CELSR1: variants seen among roughly 807,000 people sequenced by gnomAD.
CELSR1 encodes cadherin EGF LAG seven-pass G-type receptor 1, also known as adhesion G protein-coupled receptor C1.
CELSR1 carries 110 observed loss-of-function variants against 249.1 expected under a neutral mutation model. That is an observed-to-expected ratio of 0.44 (90% CI 0.38 to 0.52). The LOEUF (loss-of-function observed/expected upper bound fraction) is 0.52, where lower values mean the gene tolerates loss of function less well. Ranked by LOEUF, CELSR1 falls within the 20% of genes least tolerant of loss-of-function variation. The probability of loss-of-function intolerance (pLI) is 0.00; values close to 1 mark genes in which losing one functional copy is unlikely to be tolerated. For synonymous variants in CELSR1, 2,113 were observed against 1,900.0 expected (o/e 1.11, Z -2.92); for missense variants, 4,109 against 4,296.4 (o/e 0.96, Z 1.22).
chr22:46,537,314 G>A lies in CELSR1; in HGVS notation c.-144C>T. On this transcript the variant is annotated 5_prime_UTR_variant, in exon 1 of 35. Coordinates refer to ENST00000674500, the MANE Select transcript of CELSR1 (RefSeq NM_001378328.1). The surrounding 1 kb of genome is among the most constrained non-coding windows in gnomAD (Gnocchi z 5.8). Reference sequence around the variant, plus strand: ...CGCGTCCCGCCTCCCCGGGGGCCCTGGCGGGGACTGTGGGGACCACGCGCC... The same window carrying A: ...CGCGTCCCGCCTCCCCGGGGGCCCTAGCGGGGACTGTGGGGACCACGCGCC... 4.2e-6 allele frequency: 4 copies of A among 942,176 alleles called. No individual in the cohort carries two copies. The highest frequency in any genetic ancestry group is 3.8e-6 in the Non-Finnish European group (3 of 787,958). 58.4% of individuals were successfully genotyped at this position (942,176 alleles called of 1,614,324 possible).
In CELSR1 at chr22:46,518,746, C is replaced by A. The variant is rs2080654461; in HGVS notation, c.3544+14881G>T. Among the ~76,000 whole-genome samples, 1 of 152,134 alleles carries A rather than the reference C, an allele frequency of 6.6e-6. No homozygotes were observed. The highest frequency in any genetic ancestry group is 1.5e-5 in the Non-Finnish European group (1 of 68,020). ...CTCTGTCTTCTCTCTTATAAAGACT[C>A]CAGTTGTGGCTGGGCGCGGTGGCTC... On this transcript the variant is annotated intron_variant, in intron 1 of 34. Coordinates refer to ENST00000674500, the MANE Select transcript of CELSR1 (RefSeq NM_001378328.1). This position sits in a 1 kb window ranked among gnomAD's most constrained non-coding sequence, Gnocchi z 5.2.
rs983192043 is a variant in CELSR1 at position 46,363,476 on chromosome 22, G to A, written c.9036-229C>T. 12 of 497,858 alleles carry A rather than the reference G, an allele frequency of 2.4e-5. No homozygotes were observed. Among genetic ancestry groups the A allele is most frequent in the Admixed American group, 9.7e-5 (3 of 30,790 alleles). The allele number at this position is 497,858 out of a possible 1,614,324, so 30.8% of individuals were successfully genotyped here. On this transcript the variant is annotated intron_variant, in intron 34 of 34. Coordinates refer to ENST00000674500, the MANE Select transcript of CELSR1 (RefSeq NM_001378328.1). This position sits in a 1 kb window ranked among gnomAD's most constrained non-coding sequence, Gnocchi z 4.3. ...TGTGTTGCTGGTCTTTCAGAAGAGC[G>A]CAAGGAATCCACGTTAGAAACCGGC... is the stretch of plus-strand genomic sequence containing the variant.
At chr22:46,414,621 A>T (rs1346507362) in intron 5 of CELSR1, among the ~76,000 whole-genome samples, 3 of 147,822 alleles carry the variant, frequency 2.0e-5, no homozygotes, top group Admixed American at 2.0e-4. Context: ...GTGTGGGTTT[A>T]ACGCGCAGGC....
Position 46,363,956 on chromosome 22 carries a change from G to T in CELSR1, c.9035+40C>A, listed in dbSNP as rs1255621421. The T allele has an allele frequency of 6.5e-7, 1 of 1,537,366 alleles. No individual in the cohort carries two copies. The highest frequency in any genetic ancestry group is 8.8e-7 in the Non-Finnish European group (1 of 1,142,636). Reference sequence around the variant, plus strand: ...CTCTCTCCTGACTCAGGACAAGGGGGAAGTGGGTGATCCCCGCCCTGGAGG... The same window carrying T: ...CTCTCTCCTGACTCAGGACAAGGGGTAAGTGGGTGATCCCCGCCCTGGAGG... On this transcript the variant is annotated intron_variant, in intron 34 of 34. Coordinates refer to ENST00000674500, the MANE Select transcript of CELSR1 (RefSeq NM_001378328.1). This position sits in a 1 kb window ranked among gnomAD's most constrained non-coding sequence, Gnocchi z 4.3.
intron 27 of CELSR1, among the ~76,000 whole-genome samples, chr22:46,368,408 C>T (rs912596291): frequency 2.6e-5 from 4 of 152,022 alleles, no homozygotes; most frequent in Admixed American, 6.5e-5. Context: ...CCAGACCCCC[C>T]GTGCACCCCC....
chr22:46,414,951 C>T (rs533526372), intron 5 of CELSR1, among the ~76,000 whole-genome samples: 37 of 152,250 alleles, frequency 2.4e-4, no homozygotes, highest in Admixed American at 1.1e-3. Context: ...CCGAAAGGCA[C>T]GAAGCGCTGA....
intron 1 of CELSR1, among the ~76,000 whole-genome samples, chr22:46,499,680 A>T (rs5768848): frequency 3.9e-5 from 6 of 152,090 alleles, no homozygotes; most frequent in African/African-American, 1.4e-4. Flanking sequence ...TCCCTACCAC[A>T]GGAGATTTTG....
chr22:46,507,101 G>C (rs531872673), intron 1 of CELSR1, among the ~76,000 whole-genome samples: 1 of 152,108 alleles, frequency 6.6e-6, no homozygotes, highest in African/African-American at 2.4e-5. Context: ...CTGGAGGATC[G>C]CTTGAACCAG....
chr22:46,408,439 C>T lies in CELSR1; in HGVS notation c.5226+557G>A, dbSNP rs1274125193. Among the ~76,000 whole-genome samples the T allele has an allele frequency of 1.3e-5, 2 of 152,206 alleles. No individual in the cohort carries two copies. Among genetic ancestry groups the T allele is most frequent in the Non-Finnish European group, 2.9e-5 (2 of 68,048 alleles). Reference sequence around the variant, plus strand: ...CTCCGCCTTCCAGATTCAAGTGATTCCCCTGCCTCAGCCTCCCAGGTAGCT... The same window carrying T: ...CTCCGCCTTCCAGATTCAAGTGATTTCCCTGCCTCAGCCTCCCAGGTAGCT... On this transcript the variant is annotated intron_variant, in intron 9 of 34. Coordinates refer to ENST00000674500, the MANE Select transcript of CELSR1 (RefSeq NM_001378328.1). This position sits in a 1 kb window ranked among gnomAD's most constrained non-coding sequence, Gnocchi z 4.6.
At chr22:46,371,354 CA>C (rs2078849468) in intron 25 of CELSR1, among the ~76,000 whole-genome samples, 1 of 152,190 alleles carries the variant, frequency 6.6e-6, no homozygotes, top group African/African-American at 2.4e-5. Flanking sequence ...CCCCCCACCC[CA>C]GTGCCTCTGG....
At chr22:46,385,859 A>G (rs2079027313) in intron 19 of CELSR1, among the ~76,000 whole-genome samples, 1 of 151,160 alleles carries the variant, frequency 6.6e-6, no homozygotes. Context: ...TTGTATTTTT[A>G]GTAGAGACGG....
At position 46,365,596 on chromosome 22, in the gene CELSR1, C is replaced by G; in HGVS notation, c.8394G>C (p.Lys2798Asn). The G allele has an allele frequency of 6.3e-6, 10 of 1,590,710 alleles. No individual in the cohort carries two copies. Among genetic ancestry groups the G allele is most frequent in the Admixed American group, 1.8e-5 (1 of 56,794 alleles). ...CCAGGGAAGCCATACCAGGGGGATC[C>G]TTGCAGCTCCTGGGCATGAGGGACG... Reference protein sequence around the residue: ...PDASLMPRSCKDPPGHDSDSD... With the variant: ...PDASLMPRSCNDPPGHDSDSD... Residue 2798 changes from lysine to asparagine, a missense_variant, in exon 31 of 35, where the codon AAG (lysine) becomes AAC (asparagine). Lys to Asn is a moderately conservative substitution (Grantham distance 94). Transcript: ENST00000674500.
At chr22:46,375,676 T>C (rs2078911525) in intron 24 of CELSR1, among the ~76,000 whole-genome samples, 1 of 151,904 alleles carries the variant, frequency 6.6e-6, no homozygotes, top group Admixed American at 6.6e-5. Flanking sequence ...CCCAAGTAGC[T>C]GGGATTACAG....
At position 46,402,523 on chromosome 22, in the gene CELSR1, C is replaced by CT. The variant is rs2079220019; in HGVS notation, c.5227-2622dup. On this transcript the variant is annotated intron_variant, in intron 9 of 34. Transcript: ENST00000674500. The surrounding 1 kb of genome is among the most constrained non-coding windows in gnomAD (Gnocchi z 5.0). ...TGAGCCACTGCACCTGGCCCCCATT[C>CT]TAGTTTCAAATGCTCTCTAGTTTTT... 6.6e-6 allele frequency among the ~76,000 whole-genome samples: 1 copy of CT among 152,178 alleles called. No homozygotes were observed. Among genetic ancestry groups the CT allele is most frequent in the African/African-American group, 2.4e-5 (1 of 41,448 alleles).
Position 46,362,854 on chromosome 22 carries a change from C to G in CELSR1, c.*369G>C. On this transcript the variant is annotated 3_prime_UTR_variant, in exon 35 of 35. Transcript: ENST00000674500. Reference sequence around the variant, plus strand: ...TGGACCGCGGTCTTTGGTCTGTGCCCGGCGTTCCTGAACTCTGGCCAGCCT... The same window carrying G: ...TGGACCGCGGTCTTTGGTCTGTGCCGGGCGTTCCTGAACTCTGGCCAGCCT... 2.5e-6 allele frequency: 1 copy of G among 395,972 alleles called. No homozygotes were observed. Among genetic ancestry groups the G allele is most frequent in the Non-Finnish European group, 4.6e-6 (1 of 218,028 alleles). The allele number at this position is 395,972 out of a possible 1,614,324, so 24.5% of individuals were successfully genotyped here. A position where few individuals can be genotyped will look rare whatever the true frequency, so the allele number is the denominator to read the frequency against.
chr22:46,442,400 C>T (rs1404900339), intron 2 of CELSR1, among the ~76,000 whole-genome samples: 2 of 152,246 alleles, frequency 1.3e-5, no homozygotes, highest in African/African-American at 2.4e-5. Flanking sequence ...CCCGAGGGGC[C>T]ATCCCAGCTC....
In CELSR1 at chr22:46,439,268, T is replaced by C. The variant is rs767149201; in HGVS notation, c.4327A>G (p.Thr1443Ala). 20 of 1,613,730 alleles carry C rather than the reference T, an allele frequency of 1.2e-5. No homozygotes were observed. The South Asian group carries it at 1.4e-4, about 12-fold the overall frequency. Residue 1443 changes from threonine (T) to alanine (A), a missense_variant, in exon 3 of 35, where the codon ACC becomes GCC. Thr to Ala is a moderately conservative substitution (Grantham distance 58). Around this residue, in one of 7 missense-constraint regions of CELSR1, gnomAD observed 453 missense variants for 492.0 expected, o/e 0.92. Transcript: ENST00000674500. The stretch of plus-strand genomic sequence containing the variant: ...GACTGGGGCGGGAAGCTCCTGGTGG[T>C]CACCTCACAGTAGGGCCTCTCATAC... ...GEYERPYCEVTTRSFPPQSFV... is the reference protein window; with the variant it reads ...GEYERPYCEVATRSFPPQSFV...
Position 46,362,945 on chromosome 22 carries a change from T to C in CELSR1, c.*278A>G. ...CTGCAGTCTTAGGACTCAGCGGTGCTGGCCCAGTGGTCCACGCCTCCCTCA... is the reference window on the plus strand; with the variant it reads ...CTGCAGTCTTAGGACTCAGCGGTGCCGGCCCAGTGGTCCACGCCTCCCTCA... On this transcript the variant is annotated 3_prime_UTR_variant, in exon 35 of 35. Transcript: ENST00000674500. 1 of 589,594 alleles carries C rather than the reference T, an allele frequency of 1.7e-6. No individual in the cohort carries two copies. The allele number at this position is 589,594 out of a possible 1,614,324, so 36.5% of individuals were successfully genotyped here. A position where few individuals can be genotyped will look rare whatever the true frequency, so the allele number is the denominator to read the frequency against.
chr22:46,414,935 C>T (rs1240765150), intron 5 of CELSR1, among the ~76,000 whole-genome samples: 3 of 152,220 alleles, frequency 2.0e-5, no homozygotes, highest in African/African-American at 7.2e-5. Context: ...ACCGGAATCG[C>T]AGCCACCGAA....
Sources: gnomAD v4.1 joint callset for allele counts (sites outside exome capture counted in the v4.1 genomes callset) on GRCh38, gnomAD v4.1.1 for gene constraint, gnomAD v4.1.1 regional missense constraint, Gnocchi (gnomAD v3.1) non-coding constraint, MANE v1.5 for transcripts, NCBI Gene and HGNC (gene_info 2026-07-23, HGNC 2026-07-21) for gene names.